The following SYNPR variants were observed in gnomAD, a reference collection of about 807,000 sequenced individuals.
SYNPR encodes synaptoporin.
Under a neutral mutation model 32.9 loss-of-function variants are expected in SYNPR, and 23 were observed. The ratio of observed to expected loss-of-function variants is 0.70; its 90% CI spans 0.50 to 0.99. SYNPR has a LOEUF of 0.99. Ranked by LOEUF, SYNPR falls within the 50% of genes least tolerant of loss-of-function variation. SYNPR has a pLI of 0.00. For missense variants in SYNPR, 318 were observed against 349.3 expected (o/e 0.91, Z 0.71); for synonymous variants, 146 against 135.9 (o/e 1.07, Z -0.52).
chr3:63,247,280 T>C (rs1015403005), intron 1 of SYNPR, among the ~76,000 whole-genome samples: 1 of 151,970 alleles, frequency 6.6e-6, no homozygotes, highest in Non-Finnish European at 1.5e-5. Context: ...TTTTTTCCTG[T>C]CTGGTCCTGC....
intron 2 of SYNPR, among the ~76,000 whole-genome samples, chr3:63,331,724 A>G (rs1284012007): frequency 1.3e-5 from 2 of 152,188 alleles, no homozygotes; most frequent in African/African-American, 4.8e-5. Flanking sequence ...TGCTGTTAGT[A>G]CACTCTCCCA....
At chr3:63,317,895 A>C (rs1319995115) in intron 2 of SYNPR, among the ~76,000 whole-genome samples, 1 of 152,012 alleles carries the variant, frequency 6.6e-6, no homozygotes, top group Non-Finnish European at 1.5e-5. Context: ...ATTTGTTTCC[A>C]GGATTTTTTC....
chr3:63,399,508 T>C (rs540748618), intron 2 of SYNPR, among the ~76,000 whole-genome samples: 1 of 152,250 alleles, frequency 6.6e-6, no homozygotes, highest in South Asian at 2.1e-4. Context: ...CCATTCCTCA[T>C]AGATGGCACC....
At chr3:63,471,070 C>A (rs907227674) in intron 2 of SYNPR, among the ~76,000 whole-genome samples, 1 of 152,136 alleles carries the variant, frequency 6.6e-6, no homozygotes, top group African/African-American at 2.4e-5. Context: ...ATTCTGAATT[C>A]CCCAGTTGAT....
chr3:63,406,359 G>T (rs1327264744), intron 2 of SYNPR, among the ~76,000 whole-genome samples: 2 of 152,102 alleles, frequency 1.3e-5, no homozygotes, highest in Non-Finnish European at 1.5e-5. Context: ...GAACACTTAA[G>T]CATGGGCTAG....
the SYNPR span, among the ~76,000 whole-genome samples, chr3:63,205,393 T>C: frequency 1.3e-5 from 2 of 152,254 alleles, no homozygotes. Context: ...ACCATTTTCA[T>C]GTAACACCAA....
Position 63,490,824 on chromosome 3 carries a change from G to A in SYNPR, c.209+9868G>A, listed in dbSNP as rs1288272087. ...GTTACCCAGGCTGGAGAGCAGTGGT[G>A]CAATCTCAGCTCACTGCAACCTCTG... On this transcript the variant is annotated intron_variant, in intron 3 of 5. Transcript: ENST00000478300. Among the ~76,000 whole-genome samples, 3 of 152,214 alleles carry A rather than the reference G, an allele frequency of 2.0e-5. No homozygotes were observed. In the South Asian group the frequency reaches 6.2e-4, roughly 32 times the overall value.
intron 4 of SYNPR, among the ~76,000 whole-genome samples, chr3:63,577,450 C>T (rs11707502): frequency 0.22 from 34,137 of 151,840 alleles, 4,360 homozygotes; most frequent in South Asian, 0.44. Context: ...TTGATTCCAA[C>T]CAGAGCAACT....
At position 63,249,162 on chromosome 3, in the gene SYNPR, GC is replaced by G. The variant is rs145681427; in HGVS notation, n.67-3336del. Among the ~76,000 whole-genome samples the G allele has an allele frequency of 6.8e-4, 104 of 152,152 alleles. 1 individual carries two copies. In the East Asian group the frequency reaches 0.017, roughly 24 times the overall value. On this transcript the variant is annotated intron_variant and non_coding_transcript_variant, in intron 1 of 4. Coordinates refer to the SYNPR transcript ENST00000478456. ...GTAAGGAGTTCAGGGAATGTAAGAC[GC>G]AAAAGGCCAGAATATCTGTGAGAAT... is the stretch of plus-strand genomic sequence containing the variant.
chr3:63,518,435 G>C (rs1701840079), intron 3 of SYNPR, among the ~76,000 whole-genome samples: 1 of 152,096 alleles, frequency 6.6e-6, no homozygotes, highest in Admixed American at 6.6e-5. Context: ...CCTGGAACAA[G>C]CAAGAAAGAG....
intron 2 of SYNPR, among the ~76,000 whole-genome samples, chr3:63,284,801 T>G (rs1032960579): frequency 4.6e-5 from 7 of 152,344 alleles, no homozygotes; most frequent in Admixed American, 4.6e-4. Context: ...CATTTTAAAC[T>G]CCTAATGAGA....
At chr3:63,523,052 G>C (rs1395766537) in intron 3 of SYNPR, among the ~76,000 whole-genome samples, 2 of 152,136 alleles carry the variant, frequency 1.3e-5, no homozygotes, top group African/African-American at 4.8e-5. Flanking sequence ...TAACAGAGAA[G>C]TAGAAGTGGA....
At chr3:63,364,050 G>A (rs556929552) in intron 2 of SYNPR, among the ~76,000 whole-genome samples, 1 of 152,248 alleles carries the variant, frequency 6.6e-6, no homozygotes, top group African/African-American at 2.4e-5. Context: ...AAATAGTATT[G>A]ACTAACAATA....
At chr3:63,341,256 G>A (rs982090189) in intron 2 of SYNPR, among the ~76,000 whole-genome samples, 11 of 152,264 alleles carry the variant, frequency 7.2e-5, no homozygotes, top group Middle Eastern at 3.4e-3. Context: ...TCCATTGTAT[G>A]GATGTACCAC....
intron 2 of SYNPR, among the ~76,000 whole-genome samples, chr3:63,300,121 C>T (rs139810944): frequency 1.3e-5 from 2 of 152,016 alleles, no homozygotes; most frequent in African/African-American, 4.8e-5. Context: ...CCAAGCTTCC[C>T]TGTCAGTTTC....
intron 2 of SYNPR, among the ~76,000 whole-genome samples, chr3:63,436,028 G>A (rs1700077945): frequency 6.6e-6 from 1 of 152,094 alleles, no homozygotes; most frequent in Non-Finnish European, 1.5e-5. Context: ...TACAGTACAT[G>A]GCATGTGCAT....
At chr3:63,362,465 T>C (rs1443772254) in intron 2 of SYNPR, among the ~76,000 whole-genome samples, 1 of 152,112 alleles carries the variant, frequency 6.6e-6, no homozygotes, top group Non-Finnish European at 1.5e-5. Context: ...AATCTCTCTA[T>C]TCTAGCTTCA....
intron 3 of SYNPR, among the ~76,000 whole-genome samples, chr3:63,487,087 G>C (rs1030005327): frequency 2.6e-5 from 4 of 152,116 alleles, no homozygotes; most frequent in Non-Finnish European, 4.4e-5. Flanking sequence ...ACAAAAACTA[G>C]TTATATTTAT....
At chr3:63,240,502 AGAG>A (rs1309407328) in intron 1 of SYNPR, among the ~76,000 whole-genome samples, 2 of 152,094 alleles carry the variant, frequency 1.3e-5, no homozygotes, top group African/African-American at 4.8e-5. Flanking sequence ...AGGAAATGAA[AGAG>A]GAGACCGGTC....
Sources: allele counts gnomAD v4.1 joint callset (sites outside exome capture counted in the v4.1 genomes callset), GRCh38; gene constraint gnomAD v4.1.1; transcripts MANE v1.5; gene names NCBI Gene and HGNC (gene_info 2026-07-23, HGNC 2026-07-21).